Variants in TOP3A observed in about 807,000 individuals in gnomAD.
The protein encoded by TOP3A is DNA topoisomerase 3-alpha.
A neutral mutation model predicts 111.3 loss-of-function variants in TOP3A; 64 were observed. The ratio of observed to expected loss-of-function variants is 0.57; its 90% CI spans 0.47 to 0.71. The LOEUF is 0.71. Ranked by LOEUF, TOP3A falls within the 30% of genes least tolerant of loss-of-function variation. The pLI is 0.00. For missense variants in TOP3A, 1,104 were observed against 1,285.0 expected (o/e 0.86, Z 2.15); for synonymous variants, 484 against 485.1 (o/e 1.00, Z 0.03).
At position 18,274,663 on chromosome 17, in the gene TOP3A, CAAG is replaced by C; in HGVS notation, c.*136_*138del. On this transcript the variant is annotated 3_prime_UTR_variant, in exon 19 of 19. Transcript: ENST00000321105. ...GATCTGGACCTTGTGCCCCTTAACA[CAAG>C]AAGGCCCGACTCCAAAGGCCAACAC... is the stretch of plus-strand genomic sequence containing the variant. 1 of 1,414,986 alleles carries C rather than the reference CAAG, an allele frequency of 7.1e-7. No homozygotes were observed. Among genetic ancestry groups the C allele is most frequent in the South Asian group, 1.5e-5 (1 of 65,992 alleles). The allele number at this position is 1,414,986 out of a possible 1,614,324, so 87.7% of individuals were successfully genotyped here. A position where few individuals can be genotyped will look rare whatever the true frequency, so the allele number is the denominator to read the frequency against.
At chr17:18,280,246 T>C (rs887609635) in intron 17 of TOP3A, 7 of 207,938 alleles carry the variant, frequency 3.4e-5, no homozygotes, top group African/African-American at 9.2e-5. Flanking sequence ...ATGTGAATAA[T>C]TTCCTAAGCC....
chr17:18,286,446 G>T (rs1210794684), intron 13 of TOP3A, among the ~76,000 whole-genome samples: 1 of 152,096 alleles, frequency 6.6e-6, no homozygotes, highest in Non-Finnish European at 1.5e-5. Context: ...AACCTGGGAG[G>T]CGGAGCCTGC....
chr17:18,299,868 AG>A (rs2142980385), intron 8 of TOP3A, among the ~76,000 whole-genome samples: 1 of 152,342 alleles, frequency 6.6e-6, no homozygotes, highest in African/African-American at 2.4e-5. Context: ...ACAAGCCTTA[AG>A]GTGCTTCCAC....
chr17:18,287,502 G>A (rs185272301), intron 13 of TOP3A, among the ~76,000 whole-genome samples: 3 of 150,688 alleles, frequency 2.0e-5, no homozygotes, highest in East Asian at 4.0e-4. Context: ...CTCCAGCCTG[G>A]GTGACAGAGT....
At chr17:18,310,188 A>C (rs1370482489) in intron 1 of TOP3A, among the ~76,000 whole-genome samples, 1 of 151,980 alleles carries the variant, frequency 6.6e-6, no homozygotes, top group East Asian at 1.9e-4. Flanking sequence ...GCACTTTGGG[A>C]GGCTGAGGTG....
chr17:18,276,605 G>C (rs1333978685), intron 18 of TOP3A, among the ~76,000 whole-genome samples: 1 of 152,190 alleles, frequency 6.6e-6, no homozygotes, highest in Non-Finnish European at 1.5e-5. Flanking sequence ...GAGCAAACTT[G>C]AGGCAGAGAG....
intron 11 of TOP3A, among the ~76,000 whole-genome samples, 198 bp from the exon 12 acceptor site, chr17:18,291,225 C>G (rs757933995): frequency 6.6e-6 from 1 of 152,228 alleles, no homozygotes; most frequent in African/African-American, 2.4e-5. Flanking sequence ...CAACTCAAAT[C>G]TGGCAAAGAT....
At chr17:18,281,879 T>C (rs191473707) in intron 16 of TOP3A, among the ~76,000 whole-genome samples, 1 of 152,310 alleles carries the variant, frequency 6.6e-6, no homozygotes, top group South Asian at 2.1e-4. Flanking sequence ...CCACGGCTGC[T>C]TGACTCCAAG....
At position 18,274,631 on chromosome 17, in the gene TOP3A, C is replaced by A; in HGVS notation, c.*171G>T. On this transcript the variant is annotated 3_prime_UTR_variant, in exon 19 of 19. Transcript: ENST00000321105. The stretch of plus-strand genomic sequence containing the variant: ...CACTGTCCAGCAGAGCTGGCCTGCT[C>A]CAGAGTGATCTGGACCTTGTGCCCC... 8.6e-7 allele frequency: 1 copy of A among 1,169,350 alleles called. No individual in the cohort carries two copies. Among genetic ancestry groups the A allele is most frequent in the South Asian group, 1.8e-5 (1 of 55,944 alleles). 72.4% of individuals were successfully genotyped at this position (1,169,350 alleles called of 1,614,324 possible).
rs56191269 is a variant in TOP3A, at chr17:18,302,436, TGGAGAGTGAA to T, written c.644-12_644-3del. 0.3 allele frequency: 478,551 copies of T among 1,601,460 alleles called. 74,255 individuals are homozygous for T. Among genetic ancestry groups the T allele is most frequent in the African/African-American group, 0.34 (25,602 of 74,336 alleles). Reference sequence around the variant, plus strand: ...TCTGGAACCTAGTAAAGGCAGCTCCTGGAGAGTGAAGGAGAGTGAAGGAAGGTGAAAATGA... The same window carrying T: ...TCTGGAACCTAGTAAAGGCAGCTCCTGGAGAGTGAAGGAAGGTGAAAATGA... On this transcript the variant is annotated splice_region_variant and splice_polypyrimidine_tract_variant and intron_variant, in intron 6 of 18. Coordinates refer to ENST00000321105, the MANE Select transcript of TOP3A (RefSeq NM_004618.5).
intron 8 of TOP3A, among the ~76,000 whole-genome samples, chr17:18,300,990 C>CT (rs1344697333): frequency 6.6e-6 from 1 of 152,184 alleles, no homozygotes; most frequent in East Asian, 1.9e-4. Flanking sequence ...CTATCACTGC[C>CT]TTCAGAGGCA....
chr17:18,308,746 G>C (rs1039165689), intron 2 of TOP3A, 136 bp downstream of exon 2: 6 of 520,336 alleles, frequency 1.2e-5, no homozygotes, highest in Non-Finnish European at 2.0e-5. Flanking sequence ...ATTATAAAGT[G>C]ATCACCCCAT....
intron 4 of TOP3A, 111 bp downstream of exon 4, chr17:18,306,780 G>A (rs755523912): frequency 6.2e-4 from 467 of 748,284 alleles, no homozygotes; most frequent in Non-Finnish European, 9.1e-4. Flanking sequence ...TCATGGTAGT[G>A]ACTTTGGTGG....
intron 9 of TOP3A, among the ~76,000 whole-genome samples, chr17:18,296,774 C>A (rs969549417): frequency 6.6e-6 from 1 of 152,150 alleles, no homozygotes; most frequent in Non-Finnish European, 1.5e-5. Flanking sequence ...AATAGTAATT[C>A]TATCCCAAAT....
At chr17:18,299,527 C>G (rs761667129) in intron 9 of TOP3A, 32 bp downstream of exon 9, 1 of 1,603,610 alleles carries the variant, frequency 6.2e-7, no homozygotes, top group Admixed American at 1.7e-5. Context: ...AAGTGTTCCC[C>G]GAGTGCCTGA....
intron 9 of TOP3A, among the ~76,000 whole-genome samples, chr17:18,298,009 G>C (rs2142977084): frequency 6.6e-6 from 1 of 151,462 alleles, no homozygotes; most frequent in South Asian, 2.1e-4. Context: ...ATCCCATCTG[G>C]GAAGTGAGGA....
At chr17:18,311,686 T>C (rs1056108786) in intron 1 of TOP3A, among the ~76,000 whole-genome samples, 1 of 152,256 alleles carries the variant, frequency 6.6e-6, no homozygotes, top group Non-Finnish European at 1.5e-5. Context: ...CACTGTCCTT[T>C]GGAGTTTAGA....
intron 10 of TOP3A, 98 bp from the exon 11 acceptor site, chr17:18,292,950 C>T: frequency 8.4e-7 from 1 of 1,195,882 alleles, no homozygotes; most frequent in Non-Finnish European, 1.2e-6. Context: ...AAACACTCAT[C>T]TGATGTAGCC....
At position 18,277,677 on chromosome 17, in the gene TOP3A, G is replaced by A. The variant is rs753405800; in HGVS notation, c.2825C>T (p.Pro942Leu). ...TCCCATGCCCCTCCCTGCCTCACCT[G>A]GAGCGGTGTTCTCATCGACCCACTG... ...FFQWVDENTA[P>L]GTSGAPSWTG... Residue 942 changes from proline to leucine, a missense_variant and splice_region_variant, in exon 18 of 19, where the codon CCA becomes CTA. Physicochemically the swap from Pro to Leu is moderately conservative, Grantham distance 98. Coordinates refer to ENST00000321105, the MANE Select transcript of TOP3A (RefSeq NM_004618.5). 6 of 1,600,690 alleles carry A rather than the reference G, an allele frequency of 3.7e-6. No homozygotes were observed. Among genetic ancestry groups the A allele is most frequent in the Middle Eastern group, 1.7e-4 (1 of 5,982 alleles).
Sources: allele counts gnomAD v4.1 joint callset (sites outside exome capture counted in the v4.1 genomes callset), GRCh38; gene constraint gnomAD v4.1.1; transcripts MANE v1.5; gene names NCBI Gene and HGNC (gene_info 2026-07-23, HGNC 2026-07-21).